TCF4: variants seen among roughly 807,000 people sequenced by gnomAD.
The protein encoded by TCF4 is SL3-3 enhancer factor 2.
Under a neutral mutation model 82.1 loss-of-function variants are expected in TCF4, and 3 were observed. The ratio of observed to expected loss-of-function variants is 0.04; its 90% confidence interval spans 0.02 to 0.09. The LOEUF (loss-of-function observed/expected upper bound fraction) is 0.09, where lower values mean the gene tolerates loss of function less well. Among genes scored for constraint, TCF4 ranks in the 10% least tolerant of loss-of-function variants. The probability of loss-of-function intolerance (pLI) is 1.00; values close to 1 mark genes in which losing one functional copy is unlikely to be tolerated. For synonymous variants in TCF4, 276 were observed against 309.6 expected (o/e 0.89, Z 1.14); for missense variants, 518 against 852.7 (o/e 0.61, Z 4.89).
Position 55,545,175 on chromosome 18 carries a change from A to G in TCF4, c.145+40105T>C, listed in dbSNP as rs570100024. Among the ~76,000 whole-genome samples, 194 of 152,364 alleles carry G rather than the reference A, an allele frequency of 1.3e-3. 2 individuals carry two copies. The highest frequency in any genetic ancestry group is 4.4e-3 in the African/African-American group (185 of 41,582). Reference sequence around the variant, plus strand: ...CAAAACAGGGATCTGCTACTTCACAAAACAGTTGTGAAGACTGACTTACAA... The same window carrying G: ...CAAAACAGGGATCTGCTACTTCACAGAACAGTTGTGAAGACTGACTTACAA... On this transcript the variant is annotated intron_variant, in intron 3 of 19. Coordinates refer to ENST00000354452, the MANE Select transcript of TCF4 (RefSeq NM_001083962.2).
At chr18:55,350,284 ACTT>A in intron 8 of TCF4, 72 bp downstream of exon 8, 1 of 1,485,872 alleles carries the variant, frequency 6.7e-7, no homozygotes, top group South Asian at 1.1e-5. Flanking sequence ...AAACTCATTT[ACTT>A]CTATCTCCTT....
intron 5 of TCF4, among the ~76,000 whole-genome samples, chr18:55,444,833 C>A (rs187825284): frequency 4.6e-5 from 7 of 152,282 alleles, no homozygotes; most frequent in African/African-American, 7.2e-5. Flanking sequence ...TCCCCCATGA[C>A]CTACTTCTCC....
At position 55,563,906 on chromosome 18, in the gene TCF4, T is replaced by C. The variant is rs1340212872; in HGVS notation, c.145+21374A>G. ...AATGAATAGAAAAGACATGTAGTGG[T>C]TTCCAATGACACTATGACTAAATTT... On this transcript the variant is annotated intron_variant, in intron 3 of 19. Transcript: ENST00000354452. Among the ~76,000 whole-genome samples the C allele has an allele frequency of 3.3e-5, 5 of 152,270 alleles. No individual in the cohort carries two copies. The South Asian group carries it at 1.0e-3, about 32-fold the overall frequency.
intron 2 of TCF4, among the ~76,000 whole-genome samples, chr18:55,612,564 G>A (rs775645396): frequency 2.5e-4 from 38 of 151,998 alleles, no homozygotes; most frequent in Non-Finnish European, 2.6e-4. Context: ...ACATGGGAAA[G>A]TGAAACACTC....
intron 8 of TCF4, among the ~76,000 whole-genome samples, chr18:55,298,034 T>C (rs906844898): frequency 1.8e-4 from 27 of 152,316 alleles, no homozygotes; most frequent in Admixed American, 1.6e-3. Context: ...GTCTTTTTTT[T>C]AAAGGTGCTG....
intron 6 of TCF4, among the ~76,000 whole-genome samples, chr18:55,385,813 T>C (rs1372194140): frequency 6.6e-6 from 1 of 152,224 alleles, no homozygotes; most frequent in Non-Finnish European, 1.5e-5. Context: ...ACAGCAAAGT[T>C]CTGCTCCAAG....
chr18:55,478,575 GT>G (rs1165486476), intron 3 of TCF4, among the ~76,000 whole-genome samples: 1 of 152,092 alleles, frequency 6.6e-6, no homozygotes, highest in Non-Finnish European at 1.5e-5. Context: ...GAAATCTGCA[GT>G]TACAAGTAAG....
intron 13 of TCF4, chr18:55,259,729 T>G: frequency 1.8e-6 from 1 of 551,408 alleles, no homozygotes; most frequent in Non-Finnish European, 3.2e-6. Flanking sequence ...CTGTATATTT[T>G]AAAAAGATAA....
At chr18:55,339,570 G>A (rs1034748117) in intron 8 of TCF4, among the ~76,000 whole-genome samples, 1 of 152,068 alleles carries the variant, frequency 6.6e-6, no homozygotes, top group Admixed American at 6.6e-5. Context: ...CAGCCAACAG[G>A]GACTTTTCCC....
At chr18:55,232,360 T>G in intron 17 of TCF4, 149 bp downstream of exon 17, 2 of 824,850 alleles carry the variant, frequency 2.4e-6, no homozygotes, top group Non-Finnish European at 3.8e-6. Context: ...GAAACGATAC[T>G]TTTAGTACTT....
At chr18:55,301,788 T>TAAAAAAAAA (rs10652622) in intron 8 of TCF4, among the ~76,000 whole-genome samples, 1 of 56,314 alleles carries the variant, frequency 1.8e-5, no homozygotes, top group East Asian at 6.5e-4. Context: ...CCAAAAACTG[T>TAAAAAAAAA]AAAAAAAAAA....
At chr18:55,257,194 G>T in intron 14 of TCF4, 121 bp downstream of exon 14, 1 of 1,029,964 alleles carries the variant, frequency 9.7e-7, no homozygotes, top group Non-Finnish European at 1.5e-6. Flanking sequence ...AAACCTGTGT[G>T]CTTAATGCTG....
At position 55,621,664 on chromosome 18, in the gene TCF4, TTATATAATATAC is replaced by T. The variant is rs1467892145; in HGVS notation, c.286+9622_286+9633del. On this transcript the variant is annotated intron_variant, in intron 2 of 20. Coordinates refer to the TCF4 transcript ENST00000398339. ...TATAATATACATTATATAATATACA[TTATATAATATAC>T]ATTATATATTATATTATATAATATA... is the stretch of plus-strand genomic sequence containing the variant. Among the ~76,000 whole-genome samples, 327 of 48,818 alleles carry T rather than the reference TTATATAATATAC, an allele frequency of 6.7e-3. 5 individuals are homozygous for T. The highest frequency in any genetic ancestry group is 0.033 in the Middle Eastern group (1 of 30). 32.0% of individuals were successfully genotyped at this position (48,818 alleles called of 152,430 possible).
chr18:55,453,087 G>A (rs1326831356), intron 5 of TCF4, among the ~76,000 whole-genome samples: 2 of 152,168 alleles, frequency 1.3e-5, no homozygotes, highest in Non-Finnish European at 2.9e-5. Context: ...CTTCTCTCCT[G>A]TCTATTTCCC....
At chr18:55,321,728 G>GCGC in intron 8 of TCF4, 1 of 1,536,106 alleles carries the variant, frequency 6.5e-7, no homozygotes, top group Non-Finnish European at 8.7e-7. Flanking sequence ...GATTGTGTAT[G>GCGC]CGCAGTACAT....
chr18:55,435,226 T>C (rs1329069413), intron 5 of TCF4, among the ~76,000 whole-genome samples: 1 of 152,228 alleles, frequency 6.6e-6, no homozygotes, highest in Non-Finnish European at 1.5e-5. Flanking sequence ...TAAATATAAA[T>C]GATAGGTAAC....
intron 5 of TCF4, among the ~76,000 whole-genome samples, chr18:55,449,729 G>A (rs902831683): frequency 6.6e-6 from 1 of 152,114 alleles, no homozygotes; most frequent in Non-Finnish European, 1.5e-5. Context: ...GTGATCTATC[G>A]CTCTAAAATT....
In TCF4 at chr18:55,251,592, G is replaced by T. The variant is rs180956369; in HGVS notation, c.1350+2905C>A. Among the ~76,000 whole-genome samples the T allele has an allele frequency of 7.2e-5, 11 of 152,296 alleles. 1 individual carries two copies. The highest frequency in any genetic ancestry group is 2.9e-5 in the Non-Finnish European group (2 of 68,028). ...GGAGAAAGGAAATGAGAAGCGTACGGAGGTCGAGAGGATTCAGAGCTGTCT... is the reference window on the plus strand; with the variant it reads ...GGAGAAAGGAAATGAGAAGCGTACGTAGGTCGAGAGGATTCAGAGCTGTCT... On this transcript the variant is annotated intron_variant, in intron 15 of 19. Transcript: ENST00000354452.
At chr18:55,342,992 T>C (rs904560114) in intron 8 of TCF4, among the ~76,000 whole-genome samples, 2 of 152,118 alleles carry the variant, frequency 1.3e-5, no homozygotes, top group African/African-American at 4.8e-5. Flanking sequence ...TAGAATGATA[T>C]GGGCCATGGA....
Sources: gnomAD v4.1 joint callset for allele counts (sites outside exome capture counted in the v4.1 genomes callset) on GRCh38, gnomAD v4.1.1 for gene constraint, MANE v1.5 for transcripts, NCBI Gene and HGNC (gene_info 2026-07-23, HGNC 2026-07-21) for gene names.